The following STXBP2 variants were observed in gnomAD, a reference collection of about 807,000 sequenced individuals.
STXBP2 encodes syntaxin binding protein 2.
A neutral mutation model predicts 72.2 loss-of-function variants in STXBP2; 47 were observed. That is an observed-to-expected ratio of 0.65 (90% CI 0.51 to 0.83). STXBP2 has a LOEUF of 0.83. Among genes scored for constraint, STXBP2 ranks in the 40% least tolerant of loss-of-function variants. The pLI is 0.00. For missense variants in STXBP2, 702 were observed against 807.6 expected, an observed-to-expected ratio of 0.87 and a Z score of 1.58; for synonymous variants, 367 against 338.7, an observed-to-expected ratio of 1.08 and a Z score of -0.92.
chr19:7,631,399 C>CGG, the STXBP2 span: 1,510 of 582,232 alleles, frequency 2.6e-3, 4 homozygotes, highest in Admixed American at 0.037. Flanking sequence ...GAGAGGTGGG[C>CGG]GGGGGGGGGT....
rs939255527 is a variant in STXBP2, at chr19:7,647,836, C to G, written c.*26C>G. 6.3e-7 allele frequency: 1 copy of G among 1,586,286 alleles called. No individual in the cohort carries two copies. The highest frequency in any genetic ancestry group is 1.3e-5 in the African/African-American group (1 of 74,090). On this transcript the variant is annotated 3_prime_UTR_variant, in exon 19 of 19. Transcript: ENST00000221283. ...CCCCTGGCCCCGCCCCCTACCCCTC[C>G]CTTTCCAGAGAAATAAACTCTTCCC...
At chr19:7,630,868 C>T in the STXBP2 span, 4 of 1,536,962 alleles carry the variant, frequency 2.6e-6, no homozygotes, top group Admixed American at 5.9e-5. Context: ...CTTCTTCCTG[C>T]CAGAGGGATG....
chr19:7,632,698 C>T (rs773715733), upstream of STXBP2: 5 of 1,550,454 alleles, frequency 3.2e-6, no homozygotes, highest in Non-Finnish European at 4.3e-6. The surrounding 1 kb of genome is among the most constrained non-coding windows in gnomAD (Gnocchi z 5.2). Flanking sequence ...TGGACAGCAC[C>T]CCCGTGCCCA....
upstream of STXBP2, among the ~76,000 whole-genome samples, chr19:7,633,229 T>G (rs2031405200): frequency 6.6e-6 from 1 of 152,178 alleles, no homozygotes; most frequent in Admixed American, 6.5e-5. Flanking sequence ...AGCCCTGCCC[T>G]CTGCCCTGGG....
rs201091740 is a variant in STXBP2, at chr19:7,640,086, CTG to C, written c.246+286_246+287del. ...TGTGTATGCGTGTGTGTCTGTGGGTCTGTGTGTGCATTTGTGTCTGTGCATGT... is the reference window on the plus strand; with the variant it reads ...TGTGTATGCGTGTGTGTCTGTGGGTCTGTGTGCATTTGTGTCTGTGCATGT... On this transcript the variant is annotated intron_variant, in intron 4 of 18. Coordinates refer to ENST00000221283, the MANE Select transcript of STXBP2 (RefSeq NM_006949.4). 4,215 of 578,226 alleles carry C rather than the reference CTG, an allele frequency of 7.3e-3. 119 individuals are homozygous for C. The African/African-American group carries it at 0.075, about 10-fold the overall frequency. 35.8% of individuals were successfully genotyped at this position (578,226 alleles called of 1,614,324 possible).
rs1436209917 is a variant in STXBP2, at chr19:7,642,996, A to G, written c.974A>G (p.Asp325Gly). ...RLTTDKANIKDLSQILKKMPQ... is the reference protein window; with the variant it reads ...RLTTDKANIKGLSQILKKMPQ... ...CTACTTCCCCAGGCGAACATCAAAG[A>G]CCTATCCCAGATCCTGAAAAAGATG... The change falls in exon 12 of 19, where the codon GAC becomes GGC. Residue 325 changes from aspartate (D) to glycine (G), a missense_variant. Physicochemically the swap from Asp to Gly is moderately conservative, Grantham distance 94. Coordinates refer to ENST00000221283, the MANE Select transcript of STXBP2 (RefSeq NM_006949.4). The surrounding 1 kb of genome is among the most constrained non-coding windows in gnomAD (Gnocchi z 6.0). 1.2e-6 allele frequency: 2 copies of G among 1,613,916 alleles called. No homozygotes were observed. Among genetic ancestry groups the G allele is most frequent in the Non-Finnish European group, 1.7e-6 (2 of 1,179,990 alleles).
chr19:7,631,439 C>T, the STXBP2 span: 1 of 1,520,242 alleles, frequency 6.6e-7, no homozygotes, highest in East Asian at 2.5e-5. Context: ...GTGCCCCTCC[C>T]CCCTTCCTGT....
intron 2 of STXBP2, 55 bp downstream of exon 2, chr19:7,638,830 G>A: frequency 6.2e-7 from 1 of 1,610,966 alleles, no homozygotes; most frequent in Non-Finnish European, 8.5e-7. Flanking sequence ...TCAGGCCTAT[G>A]GGGAAGACCC....
At position 7,642,559 on chromosome 19, in the gene STXBP2, TC is replaced by T. The variant is rs145351567; in HGVS notation, c.902+32del. On this transcript the variant is annotated intron_variant, in intron 10 of 18. Transcript: ENST00000221283. The surrounding 1 kb of genome is among the most constrained non-coding windows in gnomAD (Gnocchi z 6.0). The stretch of plus-strand genomic sequence containing the variant: ...CAAGTGCGTGCACACGGGGACCGGA[TC>T]CCCCCCCCACCGCCCACTGTGGGCC... The T allele has an allele frequency of 4.3e-4, 667 of 1,566,028 alleles. No homozygotes were observed. Among genetic ancestry groups the T allele is most frequent in the African/African-American group, 1.0e-3 (74 of 73,732 alleles).
chr19:7,638,061 C>G (rs1264165800), intron 1 of STXBP2, among the ~76,000 whole-genome samples: 1 of 152,232 alleles, frequency 6.6e-6, no homozygotes, highest in East Asian at 1.9e-4. Context: ...ACCCTCACAG[C>G]AGGAATACTT....
intron 4 of STXBP2, chr19:7,640,277 T>A (rs1309782719): frequency 1.8e-6 from 1 of 554,438 alleles, no homozygotes; most frequent in Non-Finnish European, 3.4e-6. Context: ...TGTATATGTA[T>A]GTGCATCTGT....
At chr19:7,634,866 G>A (rs771738203), upstream of STXBP2, among the ~76,000 whole-genome samples, 27 of 152,162 alleles carry the variant, frequency 1.8e-4, no homozygotes, top group Non-Finnish European at 3.5e-4. Flanking sequence ...CCCTGCCTCC[G>A]TGGTCACATG....
At chr19:7,641,660 C>T (rs1207456257) in intron 6 of STXBP2, 45 bp from the exon 7 acceptor site, 7 of 1,549,486 alleles carry the variant, frequency 4.5e-6, no homozygotes, top group Non-Finnish European at 6.1e-6. Context: ...GGCAGGTGTG[C>T]ACCTGCAGCG....
In STXBP2 at chr19:7,644,687, T is replaced by C; in HGVS notation, c.1181T>C (p.Leu394Pro). The change falls in exon 14 of 19, where the codon CTG (leucine) becomes CCG (proline). Residue 394 changes from leucine (L) to proline (P), a missense_variant. Leu to Pro is a moderately conservative substitution (Grantham distance 98). Transcript: ENST00000221283. Reference protein sequence around the residue: ...DSMKLIVPVLLDAAVPAYDKI... With the variant: ...DSMKLIVPVLPDAAVPAYDKI... ...ATGAAGCTGATCGTTCCGGTGCTGC[T>C]GGACGCGGCGGTGCCCGCCTACGAC... The C allele has an allele frequency of 6.2e-7, 1 of 1,613,774 alleles. No individual in the cohort carries two copies. The highest frequency in any genetic ancestry group is 8.5e-7 in the Non-Finnish European group (1 of 1,179,854).
intron 15 of STXBP2, among the ~76,000 whole-genome samples, chr19:7,645,672 C>T (rs1381903923): frequency 6.6e-6 from 1 of 152,012 alleles, no homozygotes. Flanking sequence ...CCCCCGCACC[C>T]ATCCAGCACC....
chr19:7,643,003 C>A lies in STXBP2; in HGVS notation c.981C>A (p.Ser327=), dbSNP rs755154858. The stretch of plus-strand genomic sequence containing the variant: ...CCCAGGCGAACATCAAAGACCTATC[C>A]CAGATCCTGAAAAAGATGCCGCAGT... ...TTDKANIKDL[S]QILKKMPQYQ... is the part of the protein sequence containing the mutation. Residue 327 remains serine, a synonymous_variant, in exon 12 of 19, where the codon TCC becomes TCA. Coordinates refer to ENST00000221283, the MANE Select transcript of STXBP2 (RefSeq NM_006949.4). 1.7e-5 allele frequency: 28 copies of A among 1,614,024 alleles called. No individual in the cohort carries two copies. Among genetic ancestry groups the A allele is most frequent in the Non-Finnish European group, 2.1e-5 (25 of 1,180,028 alleles).
At chr19:7,635,852 T>C (rs1035237019), upstream of STXBP2, among the ~76,000 whole-genome samples, 1 of 152,196 alleles carries the variant, frequency 6.6e-6, no homozygotes, top group Admixed American at 6.5e-5. Flanking sequence ...CTGAAAGTCC[T>C]GCATCCTGGC....
chr19:7,632,404 C>T (rs369963050), upstream of STXBP2: 53 of 1,613,900 alleles, frequency 3.3e-5, no homozygotes, highest in Middle Eastern at 5.0e-4. The surrounding 1 kb of genome is among the most constrained non-coding windows in gnomAD (Gnocchi z 5.2). Flanking sequence ...TTGGACCCCA[C>T]GGGCTGGAAG....
chr19:7,637,737 G>A (rs2031610989), intron 1 of STXBP2, among the ~76,000 whole-genome samples: 1 of 152,164 alleles, frequency 6.6e-6, no homozygotes, highest in Non-Finnish European at 1.5e-5. Flanking sequence ...AAGGGTGGAG[G>A]GCGCCTCTTC....
Sources: allele counts gnomAD v4.1 joint callset (sites outside exome capture counted in the v4.1 genomes callset), GRCh38; gene constraint gnomAD v4.1.1; non-coding constraint Gnocchi (gnomAD v3.1); transcripts MANE v1.5; gene names NCBI Gene and HGNC (gene_info 2026-07-23, HGNC 2026-07-21).